P2RY8: variants seen among roughly 807,000 people sequenced by gnomAD.
The protein encoded by P2RY8 is P2Y receptor family member 8, also known as S-geranylgeranyl-glutathione receptor P2RY8.
Under a neutral mutation model 10.0 loss-of-function variants are expected in P2RY8, and 6 were observed. That is an observed-to-expected ratio of 0.60 (90% CI 0.33 to 1.19). P2RY8 has a LOEUF of 1.19. P2RY8 is among the 50% of genes most tolerant of loss of function. The probability of loss-of-function intolerance (pLI) is 0.04; values close to 1 mark genes in which losing one functional copy is unlikely to be tolerated. For synonymous variants in P2RY8, 276 were observed against 252.5 expected (o/e 1.09, Z -0.88); for missense variants, 456 against 542.0 (o/e 0.84, Z 1.58).
At position 1,537,028 on chromosome X, in the gene P2RY8, G is replaced by A. The variant is rs2092532715; in HGVS notation, c.-132C>T. 1 of 232,536 alleles carries A rather than the reference G, an allele frequency of 4.3e-6. No individual in the cohort carries two copies. The highest frequency in any genetic ancestry group is 8.5e-6 in the Non-Finnish European group (1 of 117,716). The allele number at this position is 232,536 out of a possible 1,614,324, so 14.4% of individuals were successfully genotyped here. On this transcript the variant is annotated 5_prime_UTR_variant, in exon 1 of 2. Coordinates refer to ENST00000381297, the MANE Select transcript of P2RY8 (RefSeq NM_178129.5). ...CGTGCCTCAGAGCCCGGGACTCGGG[G>A]GGCCAGCCACCAGCTTGCAAGCCGT...
intron 1 of P2RY8, among the ~76,000 whole-genome samples, chrX:1,532,368 T>C (rs1455132146): frequency 2.1e-5 from 3 of 142,590 alleles, no homozygotes; most frequent in African/African-American, 7.5e-5. Flanking sequence ...TATACACATA[T>C]ACGTATATGA....
chrX:1,466,696 C>G lies in P2RY8; in HGVS notation c.-24-114G>C, dbSNP rs1176834909. On this transcript the variant is annotated intron_variant, in intron 1 of 1. Coordinates refer to ENST00000381297, the MANE Select transcript of P2RY8 (RefSeq NM_178129.5). ...GACCAAGGCGGGGGAGATGCTTTAG[C>G]AGGGCCTGCTGTCTCCTCCCTCCCT... 13 of 1,026,594 alleles carry G rather than the reference C, an allele frequency of 1.3e-5. No individual in the cohort carries two copies. In the Admixed American group the frequency reaches 3.6e-4, roughly 28 times the overall value. 63.6% of individuals were successfully genotyped at this position (1,026,594 alleles called of 1,614,324 possible). A position where few individuals can be genotyped will look rare whatever the true frequency, so the allele number is the denominator to read the frequency against.
At chrX:1,516,923 GT>G (rs1157446744) in intron 1 of P2RY8, among the ~76,000 whole-genome samples, 1 of 150,810 alleles carries the variant, frequency 6.6e-6, no homozygotes, top group South Asian at 2.1e-4. Flanking sequence ...ATCAATGTCT[GT>G]TGTGTATAAG....
chrX:1,488,820 C>T (rs1173374098), intron 1 of P2RY8, among the ~76,000 whole-genome samples: 17 of 77,168 alleles, frequency 2.2e-4, no homozygotes, highest in African/African-American at 6.3e-4. Flanking sequence ...GTATGAATAA[C>T]ACTCAGAGCG....
Position 1,524,817 on chromosome X carries a change from C to G in P2RY8, c.-25+12104G>C, listed in dbSNP as rs1336597342. ...TTCATCCATCCACTCATCCATCCAT[C>G]CATCCATCCATCCATCCATCCATCC... On this transcript the variant is annotated intron_variant, in intron 1 of 1. Transcript: ENST00000381297. Among the ~76,000 whole-genome samples, 673 of 67,374 alleles carry G rather than the reference C, an allele frequency of 1.0e-2. 3 individuals carry two copies. Among genetic ancestry groups the G allele is most frequent in the Non-Finnish European group, 0.015 (366 of 24,710 alleles). 44.2% of individuals were successfully genotyped at this position (67,374 alleles called of 152,430 possible).
intron 1 of P2RY8, among the ~76,000 whole-genome samples, chrX:1,502,062 C>T (rs2092186332): frequency 6.6e-6 from 1 of 152,110 alleles, no homozygotes; most frequent in Non-Finnish European, 1.5e-5. Flanking sequence ...AGGCGTGTGC[C>T]ACCACATCCA....
chrX:1,465,695 C>T lies in P2RY8; in HGVS notation c.864G>A (p.Leu288=). ...TLCLSCLNNC[L]DPFVYYFASR... Reference sequence around the variant, plus strand: ...ACGCAAAGTAATAAACAAACGGGTCCAGACAGTTGTTGAGGCAGCTGAGAC... The same window carrying T: ...ACGCAAAGTAATAAACAAACGGGTCTAGACAGTTGTTGAGGCAGCTGAGAC... Residue 288 remains leucine (L), a synonymous_variant, in exon 2 of 2, where the codon CTG becomes CTA. Transcript: ENST00000381297. 1.2e-6 allele frequency: 2 copies of T among 1,613,768 alleles called. No homozygotes were observed. Among genetic ancestry groups the T allele is most frequent in the East Asian group, 2.2e-5 (1 of 44,884 alleles).
At chrX:1,488,413 G>A (rs1247609902) in intron 1 of P2RY8, among the ~76,000 whole-genome samples, 1 of 152,168 alleles carries the variant, frequency 6.6e-6, no homozygotes, top group Non-Finnish European at 1.5e-5. Context: ...GCAGAAAGCT[G>A]TGTCCCCACA....
chrX:1,508,243 T>C (rs2092253346), intron 1 of P2RY8, among the ~76,000 whole-genome samples: 1 of 152,132 alleles, frequency 6.6e-6, no homozygotes, highest in Admixed American at 6.5e-5. Flanking sequence ...CATGCTGCCA[T>C]TAACCAGGCT....
intron 1 of P2RY8, among the ~76,000 whole-genome samples, chrX:1,501,912 T>G (rs2092184279): frequency 6.6e-6 from 1 of 150,740 alleles, no homozygotes; most frequent in Non-Finnish European, 1.5e-5. Context: ...TTTTATTGAT[T>G]ATTATTATTA....
rs1390556389 is a variant in P2RY8, at chrX:1,464,224, C to G, written c.*1255G>C. ...CCCAAGAGAGCCTGGGATCCAATTC[C>G]ACGTGATGTCCCAGCACCCCTGGAG... is the stretch of plus-strand genomic sequence containing the variant. On this transcript the variant is annotated 3_prime_UTR_variant, in exon 2 of 2. Coordinates refer to ENST00000381297, the MANE Select transcript of P2RY8 (RefSeq NM_178129.5). 4.3e-6 allele frequency: 1 copy of G among 233,314 alleles called. No homozygotes were observed. The highest frequency in any genetic ancestry group is 6.0e-5 in the East Asian group (1 of 16,606). The allele number at this position is 233,314 out of a possible 1,614,324, so 14.5% of individuals were successfully genotyped here. A position where few individuals can be genotyped will look rare whatever the true frequency, so the allele number is the denominator to read the frequency against.
chrX:1,480,101 T>A (rs1350203574), intron 1 of P2RY8, among the ~76,000 whole-genome samples: 1 of 152,126 alleles, frequency 6.6e-6, no homozygotes, highest in Non-Finnish European at 1.5e-5. Context: ...TTCCAGAAGA[T>A]AGAAACACAG....
At chrX:1,536,628 C>T (rs1327370579) in intron 1 of P2RY8, among the ~76,000 whole-genome samples, 2 of 152,188 alleles carry the variant, frequency 1.3e-5, no homozygotes. Context: ...AACTCCTGAC[C>T]TCGTGATCCG....
chrX:1,534,052 A>T (rs1305471113), intron 1 of P2RY8, among the ~76,000 whole-genome samples: 2 of 128,608 alleles, frequency 1.6e-5, no homozygotes, highest in African/African-American at 3.1e-5. Flanking sequence ...TATTATTTAC[A>T]TATATATTTG....
chrX:1,480,851 CA>C (rs1431120625), intron 1 of P2RY8, among the ~76,000 whole-genome samples: 2 of 151,112 alleles, frequency 1.3e-5, no homozygotes, highest in Non-Finnish European at 1.5e-5. Flanking sequence ...TTTTTTAAAA[CA>C]AAGAACCAGT....
At chrX:1,524,681 C>CCATT (rs1569538715) in intron 1 of P2RY8, among the ~76,000 whole-genome samples, 1 of 117,996 alleles carries the variant, frequency 8.5e-6, no homozygotes, top group Non-Finnish European at 1.9e-5. Context: ...ATCCATCCAT[C>CCATT]CATCCATCCA....
In P2RY8 at chrX:1,504,252, G is replaced by A. The variant is rs1199794432; in HGVS notation, c.-25+32669C>T. On this transcript the variant is annotated intron_variant, in intron 1 of 1. Coordinates refer to ENST00000381297, the MANE Select transcript of P2RY8 (RefSeq NM_178129.5). ...AATCGCTGGAACCCGGGAGGCGGAG[G>A]TTGCGGTGAGCCGAGATGGCGCCAC... Among the ~76,000 whole-genome samples the A allele has an allele frequency of 8.1e-4, 123 of 151,576 alleles. 1 individual carries two copies. Among genetic ancestry groups the A allele is most frequent in the African/African-American group, 2.9e-3 (119 of 41,314 alleles).
intron 1 of P2RY8, among the ~76,000 whole-genome samples, chrX:1,509,248 A>T (rs2092271499): frequency 6.8e-6 from 1 of 147,376 alleles, no homozygotes; most frequent in Non-Finnish European, 1.5e-5. Context: ...TCATCTATGT[A>T]TCTATCTGTC....
chrX:1,530,682 T>C (rs2092468449), intron 1 of P2RY8, among the ~76,000 whole-genome samples: 1 of 150,920 alleles, frequency 6.6e-6, no homozygotes. Context: ...TATCATCTAT[T>C]TAATCTATGC....
Sources: allele counts gnomAD v4.1 joint callset (sites outside exome capture counted in the v4.1 genomes callset), GRCh38; gene constraint gnomAD v4.1.1; transcripts MANE v1.5; gene names NCBI Gene and HGNC (gene_info 2026-07-23, HGNC 2026-07-21).